The following PTPRD variants were observed in gnomAD, a reference collection of about 807,000 sequenced individuals.
PTPRD encodes protein tyrosine phosphatase receptor type D.
A neutral mutation model predicts 214.5 loss-of-function variants in PTPRD; 34 were observed. That is an observed-to-expected ratio of 0.16 (90% CI 0.12 to 0.21). The LOEUF is 0.21. Among genes scored for constraint, PTPRD ranks in the 10% least tolerant of loss-of-function variants. The pLI, the probability that PTPRD is intolerant of heterozygous loss-of-function variation, is 1.00. For missense variants in PTPRD, 2,545 were observed against 2,398.7 expected (o/e 1.06, Z -1.27); for synonymous variants, 1,128 against 845.7 (o/e 1.33, Z -5.79).
intron 7 of PTPRD, among the ~76,000 whole-genome samples, chr9:9,650,843 T>G (rs1009452398): frequency 6.6e-6 from 1 of 152,078 alleles, no homozygotes; most frequent in African/African-American, 2.4e-5. Flanking sequence ...TACACCTATT[T>G]ATCAGACTAA....
chr9:8,799,051 T>C (rs2096512421), intron 11 of PTPRD, among the ~76,000 whole-genome samples: 1 of 152,188 alleles, frequency 6.6e-6, no homozygotes. Context: ...AGATACTATA[T>C]TAATTTCACA....
intron 3 of PTPRD, among the ~76,000 whole-genome samples, chr9:10,196,185 T>C (rs2154328723): frequency 6.6e-6 from 1 of 152,292 alleles, no homozygotes; most frequent in East Asian, 1.9e-4. Flanking sequence ...TTTAATAATA[T>C]GACATAAAGT....
intron 9 of PTPRD, among the ~76,000 whole-genome samples, chr9:9,190,652 A>G (rs1387302887): frequency 2.0e-5 from 3 of 152,100 alleles, no homozygotes; most frequent in African/African-American, 7.2e-5. Context: ...ATACCTTGAC[A>G]TTAAACATCC....
intron 9 of PTPRD, among the ~76,000 whole-genome samples, chr9:9,341,540 C>A (rs765351846): frequency 2.0e-5 from 3 of 152,078 alleles, no homozygotes; most frequent in African/African-American, 2.4e-5. Context: ...TCTGCCAATA[C>A]TAGGATTTTG....
In PTPRD at chr9:9,071,840, T is replaced by C. The variant is rs55661322; in HGVS notation, c.-142-53105A>G. Among the ~76,000 whole-genome samples the C allele has an allele frequency of 9.4e-3, 1,434 of 152,312 alleles. 22 individuals are homozygous for C. The highest frequency in any genetic ancestry group is 0.032 in the African/African-American group (1,350 of 41,572). On this transcript the variant is annotated intron_variant, in intron 10 of 45. Transcript: ENST00000381196. ...AAGCTGCTAATTTTGTGGTAATTTG[T>C]TACTCTAATATAGAAAAGTAAAGCG...
intron 12 of PTPRD, among the ~76,000 whole-genome samples, chr9:8,691,709 G>C (rs938961207): frequency 2.0e-5 from 3 of 152,114 alleles, no homozygotes; most frequent in African/African-American, 7.2e-5. Flanking sequence ...CTCAGTACTT[G>C]CCAGCTTTCT....
At chr9:9,879,344 C>T (rs890644190) in intron 5 of PTPRD, among the ~76,000 whole-genome samples, 1 of 152,232 alleles carries the variant, frequency 6.6e-6, no homozygotes, top group East Asian at 1.9e-4. Context: ...TACTTCACTC[C>T]CACTTGTGAT....
At chr9:10,043,584 TAC>T (rs2097334741) in intron 3 of PTPRD, among the ~76,000 whole-genome samples, 1 of 151,900 alleles carries the variant, frequency 6.6e-6, no homozygotes, top group South Asian at 2.1e-4. Flanking sequence ...GGTGCATATG[TAC>T]ATTTTTCTAA....
chr9:10,322,844 A>C (rs1441752483), intron 3 of PTPRD, among the ~76,000 whole-genome samples: 1 of 152,032 alleles, frequency 6.6e-6, no homozygotes, highest in Non-Finnish European at 1.5e-5. Context: ...ACATGTCATC[A>C]GGGAGGGACT....
chr9:10,579,490 C>G (rs1277061380), intron 2 of PTPRD, among the ~76,000 whole-genome samples: 1 of 152,100 alleles, frequency 6.6e-6, no homozygotes, highest in Non-Finnish European at 1.5e-5. Context: ...TGTATATGTA[C>G]CACATTTTCT....
intron 9 of PTPRD, among the ~76,000 whole-genome samples, chr9:9,236,815 T>A (rs945309485): frequency 6.6e-6 from 1 of 151,924 alleles, no homozygotes; most frequent in Admixed American, 6.6e-5. Flanking sequence ...CAGAGAGAAA[T>A]GTGTGTTAAG....
rs1852705392 is a variant in PTPRD, at chr9:8,341,781, A to G, written c.4859T>C (p.Val1620Ala). ...LEAVTCGNTE[V>A]PARNLYAYIQ... ...GTAGGCATACAAGTTTCTAGCTGGC[A>G]CTTCGGTATTTCCACAAGTCACTGC... Residue 1620 changes from valine to alanine, a missense_variant, in exon 40 of 46, where the codon GTG becomes GCG. Val to Ala is a moderately conservative substitution (Grantham distance 64, BLOSUM62 0). Transcript: ENST00000381196. The G allele has an allele frequency of 2.5e-6, 4 of 1,613,646 alleles. No homozygotes were observed. The East Asian group carries it at 8.9e-5, about 36-fold the overall frequency.
At chr9:9,432,141 T>C (rs746086619) in intron 8 of PTPRD, among the ~76,000 whole-genome samples, 1 of 151,002 alleles carries the variant, frequency 6.6e-6, no homozygotes, top group African/African-American at 2.4e-5. Context: ...TCATGCATTG[T>C]GTGAGAAAGT....
At chr9:8,780,088 G>T (rs10815944) in intron 11 of PTPRD, among the ~76,000 whole-genome samples, 17,031 of 148,478 alleles carry the variant, frequency 0.11, 1,011 homozygotes, top group Non-Finnish European at 0.13. Context: ...ATCTGTAAAG[G>T]ATCTCCCTTC....
At chr9:9,820,005 G>C (rs1403575617) in intron 5 of PTPRD, among the ~76,000 whole-genome samples, 1 of 152,158 alleles carries the variant, frequency 6.6e-6, no homozygotes, top group Non-Finnish European at 1.5e-5. Flanking sequence ...TATATACCAA[G>C]TAACAGGATT....
At chr9:9,704,101 T>C (rs2097551700) in intron 7 of PTPRD, among the ~76,000 whole-genome samples, 3 of 152,154 alleles carry the variant, frequency 2.0e-5, no homozygotes, top group Non-Finnish European at 4.4e-5. Context: ...TGAAACCAGA[T>C]AATAGCCTTT....
At chr9:10,054,029 G>A (rs1484284918) in intron 3 of PTPRD, among the ~76,000 whole-genome samples, 1 of 152,054 alleles carries the variant, frequency 6.6e-6, no homozygotes, top group Non-Finnish European at 1.5e-5. Flanking sequence ...AAAGCACTGG[G>A]ATTACAGGCA....
intron 14 of PTPRD, among the ~76,000 whole-genome samples, chr9:8,597,125 C>T (rs2094518247): frequency 1.3e-5 from 2 of 152,078 alleles, no homozygotes; most frequent in South Asian, 4.1e-4. Flanking sequence ...ATTATCAATT[C>T]TGCCTTTTCA....
At chr9:10,330,044 T>C (rs1446482404) in intron 3 of PTPRD, among the ~76,000 whole-genome samples, 1 of 151,892 alleles carries the variant, frequency 6.6e-6, no homozygotes. Flanking sequence ...TATATTCCTG[T>C]ACTTTTTTTT....
Sources: gnomAD v4.1 joint callset for allele counts (sites outside exome capture counted in the v4.1 genomes callset) on GRCh38, gnomAD v4.1.1 for gene constraint, MANE v1.5 for transcripts, NCBI Gene and HGNC (gene_info 2026-07-23, HGNC 2026-07-21) for gene names.